HIVEP3: variants seen among roughly 807,000 people sequenced by gnomAD.
The protein encoded by HIVEP3 is HIVEP zinc finger 3.
Under a neutral mutation model 152.8 loss-of-function variants are expected in HIVEP3, and 49 were observed. That is an observed-to-expected ratio of 0.32 (90% CI 0.26 to 0.41). HIVEP3 has a LOEUF of 0.41. Ranked by LOEUF, HIVEP3 falls within the 10% of genes least tolerant of loss-of-function variation. The pLI, the probability that HIVEP3 is intolerant of heterozygous loss-of-function variation, is 1.00. For synonymous variants in HIVEP3, 1,269 were observed against 1,289.0 expected (o/e 0.98, Z 0.33); for missense variants, 2,790 against 3,103.3 (o/e 0.90, Z 2.40).
intron 1 of HIVEP3, among the ~76,000 whole-genome samples, chr1:41,800,051 T>C (rs1367227929): frequency 2.0e-5 from 3 of 152,196 alleles, no homozygotes; most frequent in Non-Finnish European, 4.4e-5. Flanking sequence ...AGAGCATCAA[T>C]TCCTGAACTT....
At chr1:41,851,023 C>T (rs1643582203) in intron 1 of HIVEP3, among the ~76,000 whole-genome samples, 2 of 152,176 alleles carry the variant, frequency 1.3e-5, no homozygotes, top group African/African-American at 2.4e-5. Flanking sequence ...CACTCCCCTC[C>T]TGCCAGTTAC....
intron 1 of HIVEP3, among the ~76,000 whole-genome samples, chr1:41,755,532 G>A (rs1423213492): frequency 6.6e-6 from 1 of 151,314 alleles, no homozygotes; most frequent in Non-Finnish European, 1.5e-5. Flanking sequence ...TGGACTAGGA[G>A]AAGATATCTG....
At chr1:41,851,544 G>T (rs2124383261) in intron 1 of HIVEP3, among the ~76,000 whole-genome samples, 1 of 152,126 alleles carries the variant, frequency 6.6e-6, no homozygotes, top group East Asian at 1.9e-4. Context: ...CTCGTGATCT[G>T]CCAGCCTCGG....
chr1:41,753,670 A>AAAATAAATAAATAAATAAAT (rs3064234), intron 1 of HIVEP3, among the ~76,000 whole-genome samples: 10 of 141,004 alleles, frequency 7.1e-5, no homozygotes, highest in Non-Finnish European at 1.4e-4. Context: ...CGCCGTCTCA[A>AAAATAAATAAATAAATAAAT]AAATAAATAA....
intron 1 of HIVEP3, among the ~76,000 whole-genome samples, chr1:41,845,404 TACACACACACACACGCACACACAC>T (rs1643410229): frequency 8.4e-6 from 1 of 119,300 alleles, no homozygotes; most frequent in African/African-American, 3.6e-5. Context: ...ACACCTCCTA[TACACACACACACACGCACACACAC>T]ACACACACAC....
chr1:42,032,356 C>T (rs1645617919), intron 1 of HIVEP3, among the ~76,000 whole-genome samples: 1 of 152,214 alleles, frequency 6.6e-6, no homozygotes, highest in Admixed American at 6.5e-5. Context: ...ATACCCGATT[C>T]CCAACCTGAC....
chr1:41,915,892 C>G (rs1260902394), intron 1 of HIVEP3, among the ~76,000 whole-genome samples: 1 of 152,144 alleles, frequency 6.6e-6, no homozygotes, highest in Non-Finnish European at 1.5e-5. Context: ...CCTAGTGCAT[C>G]TGCAGATTTG....
rs538361033 is a variant in HIVEP3, at chr1:41,541,218, G to A, written c.5208-16308C>T. 2.7e-3 allele frequency among the ~76,000 whole-genome samples: 407 copies of A among 152,262 alleles called. 3 individuals are homozygous for A. The highest frequency in any genetic ancestry group is 9.3e-3 in the African/African-American group (386 of 41,544). On this transcript the variant is annotated intron_variant, in intron 5 of 8. Coordinates refer to ENST00000372583, the MANE Select transcript of HIVEP3 (RefSeq NM_024503.5). Reference sequence around the variant, plus strand: ...GAGACCAGCTATGGCTGTGGCTGTGGGATGGTTTTACTATTACACCTCCCA... The same window carrying A: ...GAGACCAGCTATGGCTGTGGCTGTGAGATGGTTTTACTATTACACCTCCCA...
At chr1:41,562,661 C>CTTTG (rs1644096720) in intron 5 of HIVEP3, among the ~76,000 whole-genome samples, 1 of 117,776 alleles carries the variant, frequency 8.5e-6, no homozygotes, top group African/African-American at 3.1e-5. Context: ...TTCTTTCTTT[C>CTTTG]TTTTCTTTTG....
intron 5 of HIVEP3, among the ~76,000 whole-genome samples, chr1:41,529,113 C>G (rs1465436774): frequency 1.4e-5 from 2 of 138,648 alleles, no homozygotes; most frequent in Non-Finnish European, 3.1e-5. Flanking sequence ...CATGCTCACA[C>G]CCCCACACGC....
chr1:41,784,372 G>A (rs1440945094), intron 1 of HIVEP3, among the ~76,000 whole-genome samples: 1 of 152,166 alleles, frequency 6.6e-6, no homozygotes, highest in African/African-American at 2.4e-5. Flanking sequence ...AAGAAAATAA[G>A]CTATTAAAAT....
chr1:41,832,671 C>A (rs1642999057), intron 1 of HIVEP3, among the ~76,000 whole-genome samples: 1 of 152,202 alleles, frequency 6.6e-6, no homozygotes, highest in South Asian at 2.1e-4. Context: ...AGCAGTGGTG[C>A]CTGGCACATA....
intron 1 of HIVEP3, among the ~76,000 whole-genome samples, chr1:41,718,009 C>T (rs977925915): frequency 2.6e-5 from 4 of 152,318 alleles, no homozygotes; most frequent in Admixed American, 1.3e-4. Context: ...CATGGGATTC[C>T]AGGACCCTAG....
intron 1 of HIVEP3, among the ~76,000 whole-genome samples, chr1:41,827,649 C>G (rs1444560222): frequency 6.6e-6 from 1 of 152,086 alleles, no homozygotes; most frequent in African/African-American, 2.4e-5. Flanking sequence ...AGTCTATAGG[C>G]TGATAGGGGG....
At chr1:41,544,733 TACCATCACCACCACTACCACC>T (rs1424365797) in intron 5 of HIVEP3, among the ~76,000 whole-genome samples, 2,243 of 88,630 alleles carry the variant, frequency 0.025, 103 homozygotes, top group African/African-American at 0.092. Flanking sequence ...CCACCACCGC[TACCATCACCACCACTACCACC>T]ACCATCACCA....
chr1:41,763,097 G>A (rs143313946), intron 1 of HIVEP3, among the ~76,000 whole-genome samples: 14 of 152,274 alleles, frequency 9.2e-5, no homozygotes, highest in African/African-American at 3.4e-4. Flanking sequence ...GTCACCTTGG[G>A]CAAGTCTCTT....
At chr1:41,680,864 C>T (rs1646027663) in intron 2 of HIVEP3, among the ~76,000 whole-genome samples, 4 of 152,198 alleles carry the variant, frequency 2.6e-5, no homozygotes, top group Non-Finnish European at 4.4e-5. Context: ...TCAAACAGGA[C>T]AACCCCCTCT....
At chr1:41,654,491 T>A (rs1010310577) in intron 2 of HIVEP3, among the ~76,000 whole-genome samples, 2 of 151,814 alleles carry the variant, frequency 1.3e-5, no homozygotes, top group African/African-American at 4.9e-5. Flanking sequence ...TTGGAATAGT[T>A]TTAGATTGAC....
chr1:41,826,555 T>G (rs1194596885), intron 1 of HIVEP3, among the ~76,000 whole-genome samples: 1 of 152,170 alleles, frequency 6.6e-6, no homozygotes, highest in African/African-American at 2.4e-5. Context: ...AACTGGACAG[T>G]CTGACTTCCA....
Sources: gnomAD v4.1 joint callset for allele counts (sites outside exome capture counted in the v4.1 genomes callset) on GRCh38, gnomAD v4.1.1 for gene constraint, MANE v1.5 for transcripts, NCBI Gene and HGNC (gene_info 2026-07-23, HGNC 2026-07-21) for gene names.